Variants in RANBP2 observed in about 807,000 individuals in gnomAD.
RANBP2 encodes the protein RAN binding protein 2.
RANBP2 carries 57 observed loss-of-function variants against 303.6 expected under a neutral mutation model. The ratio of observed to expected loss-of-function variants is 0.19; its 90% CI spans 0.15 to 0.23. The LOEUF (loss-of-function observed/expected upper bound fraction) is 0.23, where lower values mean the gene tolerates loss of function less well. Among genes scored for constraint, RANBP2 ranks in the 10% least tolerant of loss-of-function variants. RANBP2 has a pLI of 1.00. For synonymous variants in RANBP2, 1,167 were observed against 1,301.5 expected, an observed-to-expected ratio of 0.90 and a Z score of 2.23; for missense variants, 3,138 against 3,780.8, an observed-to-expected ratio of 0.83 and a Z score of 4.46.
At chr2:109,313,811 G>A in the RANBP2 span, among the ~76,000 whole-genome samples, 1 of 152,240 alleles carries the variant, frequency 6.6e-6, no homozygotes, top group Non-Finnish European at 1.5e-5. Flanking sequence ...TGAAACAGAG[G>A]GGCTTATTCC....
At chr2:108,898,044 A>G in the RANBP2 span, among the ~76,000 whole-genome samples, 1 of 152,226 alleles carries the variant, frequency 6.6e-6, no homozygotes, top group African/African-American at 2.4e-5. Context: ...AACAGCCCCA[A>G]CAAAAGTCTT....
the RANBP2 span, among the ~76,000 whole-genome samples, chr2:109,713,572 T>C: frequency 1.3e-5 from 2 of 152,130 alleles, no homozygotes; most frequent in Non-Finnish European, 1.5e-5. Context: ...ATTGGGACCA[T>C]GAATTTGTGT....
At chr2:109,449,588 G>C in the RANBP2 span, 3 of 1,422,594 alleles carry the variant, frequency 2.1e-6, no homozygotes, top group African/African-American at 1.4e-5. Flanking sequence ...ATTGAAGCTA[G>C]AATGTGGGCT....
chr2:109,129,347 GC>G, the RANBP2 span: 2 of 807,148 alleles, frequency 2.5e-6, no homozygotes, highest in African/African-American at 3.6e-5. Context: ...CGCCACGCAG[GC>G]CGGTCCCCGC....
chr2:109,432,429 C>G, the RANBP2 span: 6 of 1,572,678 alleles, frequency 3.8e-6, no homozygotes, highest in Non-Finnish European at 5.2e-6. Context: ...ACAACCTCCC[C>G]CCAGGAATGC....
the RANBP2 span, among the ~76,000 whole-genome samples, chr2:109,733,894 G>A: frequency 4.6e-5 from 7 of 151,390 alleles, no homozygotes; most frequent in Non-Finnish European, 1.0e-4. Flanking sequence ...AATGTCGGCC[G>A]GGCGCAGTGT....
chr2:109,219,758 A>G, the RANBP2 span, among the ~76,000 whole-genome samples: 1 of 152,252 alleles, frequency 6.6e-6, no homozygotes, highest in African/African-American at 2.4e-5. Flanking sequence ...TGGCACACTG[A>G]AAACTACAAC....
chr2:109,680,037 A>C, the RANBP2 span, among the ~76,000 whole-genome samples: 11 of 152,050 alleles, frequency 7.2e-5, no homozygotes, highest in African/African-American at 2.7e-4. Flanking sequence ...AGAGAGAAAA[A>C]ATAAAAATAA....
the RANBP2 span, chr2:108,923,591 G>A: frequency 1.4e-6 from 1 of 730,896 alleles, no homozygotes; most frequent in South Asian, 1.5e-5. Context: ...TCAGTCACCT[G>A]CTCTGTCCAC....
chr2:109,532,397 T>G, the RANBP2 span, among the ~76,000 whole-genome samples: 1 of 152,112 alleles, frequency 6.6e-6, no homozygotes, highest in African/African-American at 2.4e-5. Flanking sequence ...AAATCTTATC[T>G]AGAAGCCGGC....
chr2:109,499,844 C>G, the RANBP2 span, among the ~76,000 whole-genome samples: 1 of 152,136 alleles, frequency 6.6e-6, no homozygotes, highest in Non-Finnish European at 1.5e-5. Flanking sequence ...TTTTAATCGG[C>G]AACATAACTG....
the RANBP2 span, among the ~76,000 whole-genome samples, chr2:109,649,957 C>A: frequency 1.3e-5 from 2 of 152,234 alleles, no homozygotes; most frequent in Non-Finnish European, 2.9e-5. Flanking sequence ...CCCACCCTTA[C>A]TGGCACGTTT....
chr2:109,521,640 A>G, the RANBP2 span, among the ~76,000 whole-genome samples: 1 of 152,118 alleles, frequency 6.6e-6, no homozygotes, highest in South Asian at 2.1e-4. Flanking sequence ...CCACCCCTTT[A>G]TTTGACACTT....
chr2:109,632,821 AAAAAAAAAC>A, the RANBP2 span, among the ~76,000 whole-genome samples: 1 of 151,564 alleles, frequency 6.6e-6, no homozygotes, highest in East Asian at 1.9e-4. Context: ...TCTGTCTCAA[AAAAAAAAAC>A]AAAACAAAAC....
At chr2:109,057,937 G>C in the RANBP2 span, among the ~76,000 whole-genome samples, 1 of 152,184 alleles carries the variant, frequency 6.6e-6, no homozygotes, top group Admixed American at 6.5e-5. Context: ...CTCAGTAGTC[G>C]CTCATTATGC....
At chr2:109,664,843 C>T in the RANBP2 span, among the ~76,000 whole-genome samples, 1 of 151,590 alleles carries the variant, frequency 6.6e-6, no homozygotes, top group Non-Finnish European at 1.5e-5. Context: ...GGCAGGAGAA[C>T]TGCTTGAACC....
chr2:108,731,571 G>A, intron 4 of RANBP2, 97 bp downstream of exon 4: 1 of 1,582,060 alleles, frequency 6.3e-7, no homozygotes, highest in Non-Finnish European at 8.6e-7. Flanking sequence ...TTAAGCCCAG[G>A]TGTTAGTGTT....
the RANBP2 span, among the ~76,000 whole-genome samples, chr2:109,683,785 T>TG: frequency 1.3e-5 from 2 of 152,172 alleles, no homozygotes; most frequent in African/African-American, 4.8e-5. Context: ...CACTGTTGCT[T>TG]GGGGGTCCCT....
the RANBP2 span, among the ~76,000 whole-genome samples, chr2:109,054,052 G>A: frequency 6.4e-3 from 973 of 152,268 alleles, 8 homozygotes; most frequent in African/African-American, 0.022. Flanking sequence ...CTACCTGGGC[G>A]GCTCTGCAAG....
Sources: allele counts gnomAD v4.1 joint callset (sites outside exome capture counted in the v4.1 genomes callset), GRCh38; gene constraint gnomAD v4.1.1; transcripts MANE v1.5; gene names NCBI Gene and HGNC (gene_info 2026-07-23, HGNC 2026-07-21).